Variants in ALG6 observed in about 807,000 individuals in gnomAD.
ALG6 encodes the protein dolichyl pyrophosphate Man9GlcNAc2 alpha-1,3-glucosyltransferase.
In ALG6, 46 loss-of-function variants were observed where a neutral mutation model predicts 66.6. That is an observed-to-expected ratio of 0.69 (90% CI 0.55 to 0.88). ALG6 has a LOEUF of 0.88. Among genes scored for constraint, ALG6 ranks in the 40% least tolerant of loss-of-function variants. The probability of loss-of-function intolerance (pLI) is 0.00; values close to 1 mark genes in which losing one functional copy is unlikely to be tolerated. For synonymous variants in ALG6, 185 were observed against 203.7 expected (o/e 0.91, Z 0.78); for missense variants, 505 against 586.8 (o/e 0.86, Z 1.44).
At chr1:63,386,954 C>G (rs1648521713) in intron 2 of ALG6, among the ~76,000 whole-genome samples, 1 of 152,062 alleles carries the variant, frequency 6.6e-6, no homozygotes, top group East Asian at 1.9e-4. Context: ...GTACTACTTT[C>G]ATGTATCCCA....
intron 3 of ALG6, among the ~76,000 whole-genome samples, chr1:63,398,743 G>C (rs562277021): frequency 2.1e-4 from 32 of 152,094 alleles, no homozygotes; most frequent in Non-Finnish European, 4.0e-4. Context: ...CCAAAGTGCT[G>C]GGATTACAGG....
chr1:63,401,377 T>A (rs1431853169), intron 3 of ALG6, among the ~76,000 whole-genome samples: 3 of 152,042 alleles, frequency 2.0e-5, no homozygotes, highest in African/African-American at 7.2e-5. Flanking sequence ...CCATTTGAAA[T>A]AAGTTAGGCC....
intron 2 of ALG6, among the ~76,000 whole-genome samples, chr1:63,374,980 CA>C (rs1217896741): frequency 2.0e-5 from 3 of 152,008 alleles, no homozygotes; most frequent in Non-Finnish European, 4.4e-5. Flanking sequence ...GAGGCTGAGG[CA>C]GGGGGATCAC....
chr1:63,403,094 CAAAAAAAAAAAAAAA>C (rs1160526296), intron 4 of ALG6, among the ~76,000 whole-genome samples: 25 of 65,322 alleles, frequency 3.8e-4, no homozygotes, highest in African/African-American at 1.4e-3. Flanking sequence ...GACTCCATCT[CAAAAAAAAAAAAAAA>C]AAAAAAAAAA....
intron 2 of ALG6, among the ~76,000 whole-genome samples, chr1:63,378,886 T>A (rs1422728947): frequency 1.3e-5 from 2 of 151,556 alleles, no homozygotes; most frequent in Non-Finnish European, 2.9e-5. Flanking sequence ...TAACTCCCCA[T>A]TGAATGTTAA....
chr1:63,374,154 T>A (rs370566267), intron 2 of ALG6, among the ~76,000 whole-genome samples: 1 of 152,184 alleles, frequency 6.6e-6, no homozygotes, highest in South Asian at 2.1e-4. Flanking sequence ...TCAGTGCTCT[T>A]ATGACTGTGC....
At position 63,400,337 on chromosome 1, in the gene ALG6, GTA is replaced by G. The variant is rs1299875024; in HGVS notation, c.168-1907_168-1906del. ...TATATATACGTATATATATATATAC[GTA>G]TATATATATGTATATATATATGTAT... On this transcript the variant is annotated intron_variant, in intron 3 of 14. Transcript: ENST00000263440. 4.2e-3 allele frequency among the ~76,000 whole-genome samples: 24 copies of G among 5,728 alleles called. 4 individuals are homozygous for G. Among genetic ancestry groups the G allele is most frequent in the African/African-American group, 0.023 (14 of 610 alleles). 3.8% of individuals were successfully genotyped at this position (5,728 alleles called of 152,430 possible). A position where few individuals can be genotyped will look rare whatever the true frequency, so the allele number is the denominator to read the frequency against.
At chr1:63,371,333 G>A (rs1229430408) in intron 2 of ALG6, 1 of 410,394 alleles carries the variant, frequency 2.4e-6, no homozygotes, top group Non-Finnish European at 4.5e-6. Context: ...ACATTGAAGA[G>A]GAAAATGAGC....
At chr1:63,436,712 A>C in intron 14 of ALG6, 111 bp from the exon 15 acceptor site, 3 of 969,104 alleles carry the variant, frequency 3.1e-6, no homozygotes, top group Non-Finnish European at 4.9e-6. Context: ...AATAAATTAG[A>C]CCCTCAACCC....
chr1:63,371,174 G>T (rs1647914555), intron 2 of ALG6, 115 bp downstream of exon 2: 1 of 712,646 alleles, frequency 1.4e-6, no homozygotes, highest in African/African-American at 1.8e-5. Context: ...AGGCCTTTTT[G>T]ATATGGTTGA....
chr1:63,372,418 C>A (rs79980432), intron 2 of ALG6, among the ~76,000 whole-genome samples: 1 of 151,454 alleles, frequency 6.6e-6, no homozygotes, highest in African/African-American at 2.4e-5. Flanking sequence ...TTACTATATA[C>A]GAAGATACAT....
chr1:63,370,426 T>C (rs1175076401), intron 1 of ALG6, among the ~76,000 whole-genome samples: 1 of 152,248 alleles, frequency 6.6e-6, no homozygotes. Flanking sequence ...TGTCTACGGT[T>C]GTGGTTTTAT....
intron 2 of ALG6, among the ~76,000 whole-genome samples, chr1:63,385,287 C>T (rs1370102711): frequency 6.9e-6 from 1 of 144,844 alleles, no homozygotes; most frequent in Non-Finnish European, 1.5e-5. Context: ...GCAACCTCTA[C>T]CTCCCAGGTT....
intron 7 of ALG6, 116 bp from the exon 8 acceptor site, chr1:63,411,030 A>T: frequency 2.0e-6 from 2 of 992,298 alleles, no homozygotes; most frequent in Non-Finnish European, 1.5e-6. Context: ...TTAAAATCAC[A>T]TAAGAGATAT....
intron 4 of ALG6, among the ~76,000 whole-genome samples, chr1:63,402,617 C>T (rs371587538): frequency 9.2e-5 from 14 of 151,370 alleles, no homozygotes; most frequent in African/African-American, 2.2e-4. Flanking sequence ...CAGGTGCCCG[C>T]CACCATGCCT....
intron 2 of ALG6, among the ~76,000 whole-genome samples, chr1:63,392,168 G>A (rs574771411): frequency 8.0e-4 from 120 of 150,580 alleles, no homozygotes; most frequent in Admixed American, 2.8e-3. Flanking sequence ...AATATAAAAG[G>A]ATGATTTTTT....
At chr1:63,386,007 G>T (rs1396905607) in intron 2 of ALG6, among the ~76,000 whole-genome samples, 1 of 152,112 alleles carries the variant, frequency 6.6e-6, no homozygotes, top group African/African-American at 2.4e-5. Flanking sequence ...TCAATTTTTT[G>T]AGGGTTTGTG....
intron 3 of ALG6, among the ~76,000 whole-genome samples, chr1:63,400,369 A>ATG (rs1553155143): frequency 7.6e-6 from 1 of 131,086 alleles, no homozygotes; most frequent in Non-Finnish European, 1.6e-5. Flanking sequence ...ATGTATATAT[A>ATG]TGTATATATA....
At chr1:63,389,260 T>C (rs1422400509) in intron 2 of ALG6, among the ~76,000 whole-genome samples, 1 of 152,192 alleles carries the variant, frequency 6.6e-6, no homozygotes, top group Non-Finnish European at 1.5e-5. Context: ...GGCATGCTTC[T>C]TTTGTCATTC....
Sources: allele counts gnomAD v4.1 joint callset (sites outside exome capture counted in the v4.1 genomes callset), GRCh38; gene constraint gnomAD v4.1.1; transcripts MANE v1.5; gene names NCBI Gene and HGNC (gene_info 2026-07-23, HGNC 2026-07-21).